PRTFDC1: variants seen among roughly 807,000 people sequenced by gnomAD.
PRTFDC1 encodes phosphoribosyltransferase domain-containing protein 1.
Under a neutral mutation model 34.6 loss-of-function variants are expected in PRTFDC1, and 38 were observed. The ratio of observed to expected loss-of-function variants is 1.10; its 90% CI spans 0.85 to 1.44. PRTFDC1 has a LOEUF of 1.44. PRTFDC1 is among the 40% of genes most tolerant of loss of function. The pLI is 0.00. For synonymous variants in PRTFDC1, 93 were observed against 98.1 expected, an observed-to-expected ratio of 0.95 and a Z score of 0.31; for missense variants, 270 against 283.0, an observed-to-expected ratio of 0.95 and a Z score of 0.33.
intron 1 of PRTFDC1, among the ~76,000 whole-genome samples, chr10:24,950,546 CT>C (rs1849323733): frequency 6.6e-6 from 1 of 152,144 alleles, no homozygotes; most frequent in Non-Finnish European, 1.5e-5. Context: ...CTACTAATGG[CT>C]TTGTAATTGT....
intron 6 of PRTFDC1, among the ~76,000 whole-genome samples, chr10:24,856,461 G>A (rs1199137214): frequency 3.3e-5 from 5 of 151,986 alleles, no homozygotes; most frequent in Admixed American, 6.6e-5. Flanking sequence ...AGTGGCAGGC[G>A]CCTGTAGTCC....
At chr10:24,854,287 T>A (rs1179404596) in intron 7 of PRTFDC1, among the ~76,000 whole-genome samples, 1 of 152,192 alleles carries the variant, frequency 6.6e-6, no homozygotes, top group Non-Finnish European at 1.5e-5. Context: ...CTTGACTACA[T>A]CCAGATTATA....
In PRTFDC1 at chr10:24,927,356, C is replaced by A. The variant is rs147812154; in HGVS notation, c.339+9828G>T. Among the ~76,000 whole-genome samples, 221 of 152,274 alleles carry A rather than the reference C, an allele frequency of 1.5e-3. 1 individual carries two copies. Among genetic ancestry groups the A allele is most frequent in the African/African-American group, 4.2e-3 (176 of 41,550 alleles). On this transcript the variant is annotated intron_variant, in intron 3 of 8. Coordinates refer to ENST00000320152, the MANE Select transcript of PRTFDC1 (RefSeq NM_020200.7). Reference sequence around the variant, plus strand: ...CACAGAGAAATTATGTTCTGGTTTTCATAAATACTTCTGATTAATTTTTAA... The same window carrying A: ...CACAGAGAAATTATGTTCTGGTTTTAATAAATACTTCTGATTAATTTTTAA...
chr10:24,915,320 C>T (rs894894169), intron 3 of PRTFDC1, among the ~76,000 whole-genome samples: 5 of 152,156 alleles, frequency 3.3e-5, no homozygotes, highest in African/African-American at 1.2e-4. Context: ...GGAAATGGGT[C>T]CTCTAGCTTC....
At position 24,922,741 on chromosome 10, in the gene PRTFDC1, G is replaced by A. The variant is rs557340888; in HGVS notation, c.339+14443C>T. 4.6e-5 allele frequency among the ~76,000 whole-genome samples: 7 copies of A among 152,284 alleles called. No individual in the cohort carries two copies. In the South Asian group the frequency reaches 1.5e-3, roughly 32 times the overall value. On this transcript the variant is annotated intron_variant, in intron 3 of 8. Transcript: ENST00000320152. Reference sequence around the variant, plus strand: ...CCCAGCATGATTGATGCAGAAGATGGGTGATTTCTGCATTTCCAACTGAGG... The same window carrying A: ...CCCAGCATGATTGATGCAGAAGATGAGTGATTTCTGCATTTCCAACTGAGG...
At chr10:24,948,628 A>G (rs1849288896) in intron 1 of PRTFDC1, among the ~76,000 whole-genome samples, 1 of 152,198 alleles carries the variant, frequency 6.6e-6, no homozygotes, top group African/African-American at 2.4e-5. Context: ...TTATATTTAT[A>G]TCATCTGACT....
At chr10:24,880,012 C>T (rs567141094) in intron 3 of PRTFDC1, among the ~76,000 whole-genome samples, 16 of 152,174 alleles carry the variant, frequency 1.1e-4, no homozygotes, top group East Asian at 5.8e-4. Flanking sequence ...GCCTGGGTTC[C>T]GGCCACAGCT....
At chr10:24,878,984 G>A (rs1169160325) in intron 3 of PRTFDC1, among the ~76,000 whole-genome samples, 6 of 152,090 alleles carry the variant, frequency 3.9e-5, no homozygotes, top group East Asian at 1.9e-4. Context: ...CAAAGAGGTC[G>A]CTGATACTCT....
Position 24,856,948 on chromosome 10 carries a change from T to C in PRTFDC1, c.471A>G (p.Ile157Met). ...GRTMKALLSN[I>M]EKYKPNMIKV... ...TAATCATGTTGGGCTTGTATTTCTC[T>C]ATATTGCTGAGTAGTGCTTTCATGG... Residue 157 changes from isoleucine (I) to methionine (M), a missense_variant, in exon 6 of 9, where the codon ATA (isoleucine) becomes ATG (methionine). Ile to Met is a conservative substitution (Grantham distance 10). Coordinates refer to ENST00000320152, the MANE Select transcript of PRTFDC1 (RefSeq NM_020200.7). 1.2e-6 allele frequency: 2 copies of C among 1,613,868 alleles called. No homozygotes were observed. The highest frequency in any genetic ancestry group is 8.5e-7 in the Non-Finnish European group (1 of 1,179,728).
At position 24,851,597 on chromosome 10, in the gene PRTFDC1, A is replaced by G. The variant is rs1227102117; in HGVS notation, c.554-133T>C. ...AGGCAGGAGGGAGTGAGAAATGGTG[A>G]GAAATGCACACGATGAGCCCAAGAG... On this transcript the variant is annotated intron_variant, in intron 7 of 8. Coordinates refer to ENST00000320152, the MANE Select transcript of PRTFDC1 (RefSeq NM_020200.7). The G allele has an allele frequency of 2.2e-6, 3 of 1,386,664 alleles. No individual in the cohort carries two copies. In the African/African-American group the frequency reaches 4.4e-5, roughly 20 times the overall value. 85.9% of individuals were successfully genotyped at this position (1,386,664 alleles called of 1,614,324 possible).
At chr10:24,874,877 A>T (rs1465934015) in intron 3 of PRTFDC1, among the ~76,000 whole-genome samples, 1 of 152,182 alleles carries the variant, frequency 6.6e-6, no homozygotes, top group Non-Finnish European at 1.5e-5. Context: ...TGAATCATGG[A>T]GGCAGTTACC....
chr10:24,869,864 C>A (rs1249736975), intron 4 of PRTFDC1, among the ~76,000 whole-genome samples: 1 of 152,194 alleles, frequency 6.6e-6, no homozygotes, highest in Non-Finnish European at 1.5e-5. Context: ...TACCATTTCC[C>A]TCTGCCCTGT....
chr10:24,938,931 C>T (rs1009618733), intron 2 of PRTFDC1, among the ~76,000 whole-genome samples: 2 of 152,156 alleles, frequency 1.3e-5, no homozygotes, highest in Admixed American at 6.5e-5. Context: ...ACTGGCTTGA[C>T]GTATTTGAGC....
At chr10:24,938,474 T>C (rs12246876) in intron 2 of PRTFDC1, among the ~76,000 whole-genome samples, 56,755 of 152,008 alleles carry the variant, frequency 0.37, 12,555 homozygotes, top group African/African-American at 0.62. Context: ...CCCCAGCCCC[T>C]ATCCCCAGCT....
chr10:24,874,592 T>C (rs79918710), intron 3 of PRTFDC1, among the ~76,000 whole-genome samples: 1,998 of 152,278 alleles, frequency 0.013, 14 homozygotes, highest in Middle Eastern at 0.034. Context: ...AATTCTACTA[T>C]TTTCATCTTC....
chr10:24,949,116 G>T (rs1354852793), intron 1 of PRTFDC1, among the ~76,000 whole-genome samples: 6 of 152,118 alleles, frequency 3.9e-5, no homozygotes, highest in Non-Finnish European at 8.8e-5. Context: ...TTCAGATGGG[G>T]TCTCACTCTG....
intron 4 of PRTFDC1, among the ~76,000 whole-genome samples, chr10:24,865,785 C>T (rs1847764352): frequency 6.6e-6 from 1 of 152,088 alleles, no homozygotes; most frequent in African/African-American, 2.4e-5. Context: ...AGTTTGGTGG[C>T]CGTGATCACA....
chr10:24,951,990 A>G (rs1849352213), intron 1 of PRTFDC1, among the ~76,000 whole-genome samples: 1 of 152,260 alleles, frequency 6.6e-6, no homozygotes, highest in Admixed American at 6.5e-5. Context: ...GAGCTCCTGC[A>G]GAGGCCTCCA....
chr10:24,897,297 C>T (rs1848384141), intron 3 of PRTFDC1, among the ~76,000 whole-genome samples: 2 of 152,132 alleles, frequency 1.3e-5, no homozygotes, highest in African/African-American at 2.4e-5. Context: ...AAAAGGCATT[C>T]CTATTCCTAA....
Sources: allele counts gnomAD v4.1 joint callset (sites outside exome capture counted in the v4.1 genomes callset), GRCh38; gene constraint gnomAD v4.1.1; transcripts MANE v1.5; gene names NCBI Gene and HGNC (gene_info 2026-07-23, HGNC 2026-07-21).